KIFC2: variants seen among roughly 807,000 people sequenced by gnomAD.
KIFC2 encodes the protein kinesin-like protein KIFC2.
In KIFC2, 94 loss-of-function variants were observed where a neutral mutation model predicts 91.5. The ratio of observed to expected loss-of-function variants is 1.03; its 90% CI spans 0.87 to 1.22. The LOEUF (loss-of-function observed/expected upper bound fraction) is 1.22. Ranked by LOEUF, KIFC2 falls within the 50% of genes most tolerant of loss-of-function variation. KIFC2 has a pLI of 0.00. For missense variants in KIFC2, 1,357 were observed against 1,103.3 expected (o/e 1.23, Z -3.26); for synonymous variants, 729 against 503.9 (o/e 1.45, Z -5.98).
At chr8:144,471,336 C>T (rs1272885199) in intron 12 of KIFC2, among the ~76,000 whole-genome samples, 2 of 142,996 alleles carry the variant, frequency 1.4e-5, no homozygotes, top group South Asian at 2.2e-4. Context: ...TTTTTTTGGA[C>T]AGTCACACTT....
At chr8:144,471,292 T>G (rs1033701778) in intron 12 of KIFC2, among the ~76,000 whole-genome samples, 3 of 151,616 alleles carry the variant, frequency 2.0e-5, no homozygotes, top group African/African-American at 4.8e-5. Flanking sequence ...ATTTTTAAAA[T>G]TTTTTACTAC....
chr8:144,468,919 T>C (rs1824808903), intron 10 of KIFC2, 85 bp downstream of exon 10: 2 of 1,147,746 alleles, frequency 1.7e-6, no homozygotes, highest in Non-Finnish European at 2.6e-6. Context: ...GGGAGTTGGC[T>C]GTACTAATAA....
intron 8 of KIFC2, 30 bp from the exon 9 acceptor site, chr8:144,468,506 C>T (rs536238346): frequency 1.8e-6 from 2 of 1,109,320 alleles, no homozygotes; most frequent in South Asian, 1.3e-5. Flanking sequence ...CCTGTTTCCT[C>T]AGTGACAGGG....
intron 11 of KIFC2, 47 bp from the exon 12 acceptor site, chr8:144,469,443 T>C (rs1169524303): frequency 1.2e-6 from 2 of 1,613,362 alleles, no homozygotes; most frequent in African/African-American, 1.3e-5. Context: ...AGCTTCTCTG[T>C]GCTTTAGGGT....
chr8:144,471,353 C>T (rs910896813), intron 12 of KIFC2, among the ~76,000 whole-genome samples: 2 of 148,520 alleles, frequency 1.3e-5, no homozygotes, highest in African/African-American at 4.9e-5. Flanking sequence ...ACTTTGTCAT[C>T]AGGCTGGAGT....
chr8:144,466,643 C>T lies in KIFC2; in HGVS notation c.100-117C>T, dbSNP rs1204199852. Reference sequence around the variant, plus strand: ...GGGGCCGTGCCGAGGACCCTCGGCTCGGCCCCGATGCTGGAAGCGTAGACT... The same window carrying T: ...GGGGCCGTGCCGAGGACCCTCGGCTTGGCCCCGATGCTGGAAGCGTAGACT... On this transcript the variant is annotated intron_variant, in intron 1 of 17. Coordinates refer to ENST00000645548, the MANE Select transcript of KIFC2 (RefSeq NM_001369769.2). The T allele has an allele frequency of 5.0e-6, 5 of 990,756 alleles. No individual in the cohort carries two copies. In the African/African-American group the frequency reaches 8.7e-5, roughly 17 times the overall value. 61.4% of individuals were successfully genotyped at this position (990,756 alleles called of 1,614,324 possible). A position where few individuals can be genotyped will look rare whatever the true frequency, so the allele number is the denominator to read the frequency against.
intron 12 of KIFC2, 36 bp from the exon 13 acceptor site, chr8:144,471,906 G>A: frequency 1.9e-6 from 3 of 1,594,858 alleles, no homozygotes; most frequent in East Asian, 2.2e-5. Context: ...AGGCAACGTG[G>A]GGAGGACTCA....
chr8:144,468,865 C>T (rs983508236), intron 10 of KIFC2, 31 bp downstream of exon 10: 12 of 1,559,130 alleles, frequency 7.7e-6, no homozygotes, highest in African/African-American at 1.4e-5. Context: ...AGCCCCTCCT[C>T]TCTGGGCAGC....
At position 144,467,529 on chromosome 8, in the gene KIFC2, C is replaced by T. The variant is rs1824725292; in HGVS notation, c.514C>T (p.Pro172Ser). The T allele has an allele frequency of 4.4e-6, 7 of 1,599,992 alleles. No individual in the cohort carries two copies. The highest frequency in any genetic ancestry group is 6.0e-6 in the Non-Finnish European group (7 of 1,173,960). Residue 172 changes from proline to serine, a missense_variant, in exon 5 of 18, where the codon CCA (proline) becomes TCA (serine). Physicochemically the swap from Pro to Ser is moderately conservative, Grantham distance 74. Coordinates refer to ENST00000645548, the MANE Select transcript of KIFC2 (RefSeq NM_001369769.2). ...AAGCCCTTCCCACTTCACCGCAGTC[C>T]CAGGCGAGCCACTGGGGGATGAGAC... ...EESPSHFTAV[P>S]GEPLGDETQG...
chr8:144,469,616 G>A lies in KIFC2; in HGVS notation c.1349G>A (p.Trp450Ter). 6.2e-7 allele frequency: 1 copy of A among 1,608,798 alleles called. No individual in the cohort carries two copies. ...RGRHRRFRLD[W>*]VFPPDASQEE... ...CGCCATCGTCGATTCCGCCTAGACTGGGTCTTCCCTCCAGACGCCAGCCAG... is the reference window on the plus strand; with the variant it reads ...CGCCATCGTCGATTCCGCCTAGACTAGGTCTTCCCTCCAGACGCCAGCCAG... Residue 450 changes from tryptophan (W) to a stop codon, truncating the protein, a stop_gained, in exon 12 of 18, where the codon TGG (tryptophan) becomes TAG (stop). Coordinates refer to ENST00000645548, the MANE Select transcript of KIFC2 (RefSeq NM_001369769.2). LOFTEE classifies it high-confidence loss of function.
rs1443269450 is a variant in KIFC2, at chr8:144,467,344, G to A, written c.469+3G>A. On this transcript the variant is annotated splice_donor_region_variant and intron_variant, in intron 4 of 17. Transcript: ENST00000645548. ...GGTCCGGCCCCCCTCTCCAGATGGT[G>A]AGTAAAGGACAGTAAGTTGAAGAAG... The A allele has an allele frequency of 8.1e-6, 13 of 1,601,956 alleles. No individual in the cohort carries two copies. Among genetic ancestry groups the A allele is most frequent in the South Asian group, 1.1e-5 (1 of 89,554 alleles).
chr8:144,469,209 A>C (rs1586721603), intron 10 of KIFC2, 62 bp from the exon 11 acceptor site: 75 of 1,170,800 alleles, frequency 6.4e-5, no homozygotes, highest in African/African-American at 1.7e-4. Context: ...GGACCCTCCC[A>C]CCCCCCACCT....
In KIFC2 at chr8:144,468,683, C is replaced by T. The variant is rs201386079; in HGVS notation, c.1003+33C>T. The T allele has an allele frequency of 5.3e-5, 86 of 1,613,432 alleles. 1 individual carries two copies. In the African/African-American group the frequency reaches 9.7e-4, roughly 18 times the overall value. On this transcript the variant is annotated intron_variant, in intron 9 of 17. Coordinates refer to ENST00000645548, the MANE Select transcript of KIFC2 (RefSeq NM_001369769.2). ...TTGGGGTTGGGGCTCATGGGAGGCC[C>T]TGGAGGCTGGGCCTTCCCTTCCAAC...
At chr8:144,466,567 C>A in intron 1 of KIFC2, 49 bp downstream of exon 1, 1 of 1,025,376 alleles carries the variant, frequency 9.8e-7, no homozygotes, top group South Asian at 4.1e-5. Flanking sequence ...GCCTGCCCCA[C>A]CCCCACGCCG....
In KIFC2 at chr8:144,467,071, G is replaced by T; in HGVS notation, c.291G>T (p.Gly97=). 1 of 1,597,558 alleles carries T rather than the reference G, an allele frequency of 6.3e-7. No homozygotes were observed. Residue 97 remains glycine, a synonymous_variant, in exon 3 of 18, where the codon GGG becomes GGT. Coordinates refer to ENST00000645548, the MANE Select transcript of KIFC2 (RefSeq NM_001369769.2). The stretch of plus-strand genomic sequence containing the variant: ...CCGAGTTCCTCTCCGTCCAGCTGGG[G>T]GCGGAAGAGAGCTGCGGGGGCCCGG... ...RLAEFLSVQL[G]AEESCGGPAD...
In KIFC2 at chr8:144,473,830, A is replaced by G. The variant is rs935886180; in HGVS notation, c.*441A>G. The G allele has an allele frequency of 8.6e-6, 3 of 349,826 alleles. No homozygotes were observed. The highest frequency in any genetic ancestry group is 1.6e-5 in the Non-Finnish European group (3 of 192,148). The allele number at this position is 349,826 out of a possible 1,614,324, so 21.7% of individuals were successfully genotyped here. A position where few individuals can be genotyped will look rare whatever the true frequency, so the allele number is the denominator to read the frequency against. ...TAACCCGTTTCCCGAAAAAGGTGCTACCTCCTTTCCAGACAGATGAGAGAG... is the reference window on the plus strand; with the variant it reads ...TAACCCGTTTCCCGAAAAAGGTGCTGCCTCCTTTCCAGACAGATGAGAGAG... On this transcript the variant is annotated 3_prime_UTR_variant, in exon 18 of 18. Transcript: ENST00000645548.
chr8:144,472,264 G>C lies in KIFC2; in HGVS notation c.1607+5G>C. On this transcript the variant is annotated splice_donor_5th_base_variant and intron_variant, in intron 14 of 17. Transcript: ENST00000645548. ...GATCTACAATGAGGCTGTCAGGTGG[G>C]CTACTCCACCAGGGAGGCCTTCTCC... 6.2e-7 allele frequency: 1 copy of C among 1,613,320 alleles called. No individual in the cohort carries two copies. Among genetic ancestry groups the C allele is most frequent in the Non-Finnish European group, 8.5e-7 (1 of 1,179,974 alleles).
At chr8:144,466,251 A>C, upstream of KIFC2, 2 of 190,054 alleles carry the variant, frequency 1.1e-5, no homozygotes, top group Non-Finnish European at 1.1e-5. Flanking sequence ...GGCCGCGGGC[A>C]CCTGTTTCTA....
At chr8:144,469,675 G>T in intron 12 of KIFC2, 28 bp downstream of exon 12, 3 of 1,560,376 alleles carry the variant, frequency 1.9e-6, no homozygotes, top group South Asian at 1.2e-5. Context: ...CAGCCATCCT[G>T]ACCCTTTTTC....
Sources: gnomAD v4.1 joint callset for allele counts (sites outside exome capture counted in the v4.1 genomes callset) on GRCh38, gnomAD v4.1.1 for gene constraint, MANE v1.5 for transcripts, NCBI Gene and HGNC (gene_info 2026-07-23, HGNC 2026-07-21) for gene names.